SUGCT: variants seen among roughly 807,000 people sequenced by gnomAD.
SUGCT encodes the protein succinyl-CoA:glutarate CoA-transferase.
SUGCT carries 41 observed loss-of-function variants against 55.0 expected under a neutral mutation model. The observed-to-expected ratio is 0.74, with a 90% CI of 0.58 to 0.97. The LOEUF (loss-of-function observed/expected upper bound fraction) is 0.97, where lower values mean the gene tolerates loss of function less well. SUGCT is among the 50% of genes least tolerant of loss of function. The pLI, the probability that SUGCT is intolerant of heterozygous loss-of-function variation, is 0.00. For missense variants in SUGCT, 568 were observed against 547.8 expected (o/e 1.04, Z -0.37); for synonymous variants, 187 against 200.4 (o/e 0.93, Z 0.56).
At chr7:40,327,428 C>T (rs998091279) in intron 9 of SUGCT, among the ~76,000 whole-genome samples, 3 of 152,140 alleles carry the variant, frequency 2.0e-5, no homozygotes, top group African/African-American at 7.2e-5. Context: ...ATTTGGCTGT[C>T]TTTGATTTAA....
chr7:40,860,273 G>A (rs144280399), intron 13 of SUGCT, 43 bp from the exon 14 acceptor site: 2 of 1,612,662 alleles, frequency 1.2e-6, no homozygotes, highest in Non-Finnish European at 1.7e-6. Flanking sequence ...ATTTCGTAGG[G>A]TTAGTCATTA....
At chr7:40,498,640 C>G (rs931072381) in intron 12 of SUGCT, among the ~76,000 whole-genome samples, 2 of 152,166 alleles carry the variant, frequency 1.3e-5, no homozygotes, top group African/African-American at 4.8e-5. Context: ...TTATAAACTT[C>G]TAGACTTTAG....
intron 9 of SUGCT, among the ~76,000 whole-genome samples, chr7:40,334,093 T>TA (rs1796524792): frequency 6.6e-6 from 1 of 152,172 alleles, no homozygotes; most frequent in Non-Finnish European, 1.5e-5. Context: ...CATCCTTTTT[T>TA]ATGGATGCAT....
chr7:41,031,599 G>C, the SUGCT span, among the ~76,000 whole-genome samples: 1 of 152,122 alleles, frequency 6.6e-6, no homozygotes, highest in East Asian at 1.9e-4. Context: ...TCTGACCGTT[G>C]CCTACCTCCT....
chr7:40,324,404 C>G (rs1261684887), intron 9 of SUGCT, among the ~76,000 whole-genome samples: 1 of 151,572 alleles, frequency 6.6e-6, no homozygotes, highest in Non-Finnish European at 1.5e-5. Flanking sequence ...TACAGATATA[C>G]GTCACCATGC....
chr7:40,457,701 A>G (rs921541706), intron 10 of SUGCT, among the ~76,000 whole-genome samples: 8 of 152,336 alleles, frequency 5.3e-5, no homozygotes, highest in African/African-American at 1.7e-4. Context: ...TCTTTGAAAC[A>G]AAAAAGAGTT....
chr7:40,258,302 G>A (rs184999191), intron 7 of SUGCT, among the ~76,000 whole-genome samples: 131 of 152,212 alleles, frequency 8.6e-4, no homozygotes, highest in Admixed American at 2.3e-3. Context: ...TTGAATTTTC[G>A]TTCTGTCATT....
chr7:40,340,153 A>G (rs542702895), intron 9 of SUGCT, among the ~76,000 whole-genome samples: 25 of 152,310 alleles, frequency 1.6e-4, no homozygotes, highest in African/African-American at 6.0e-4. Context: ...AAATAGTAGT[A>G]AGTAGTATGA....
chr7:40,589,120 T>C (rs1041548586), intron 12 of SUGCT, among the ~76,000 whole-genome samples: 2 of 152,086 alleles, frequency 1.3e-5, no homozygotes, highest in Non-Finnish European at 2.9e-5. Flanking sequence ...TGTTTAGTAA[T>C]CTTGTAGTAT....
the SUGCT span, among the ~76,000 whole-genome samples, chr7:40,880,525 T>C: frequency 6.6e-6 from 1 of 152,212 alleles, no homozygotes; most frequent in South Asian, 2.1e-4. Context: ...AAAATGAAGA[T>C]TTTTGTTTGT....
intron 13 of SUGCT, among the ~76,000 whole-genome samples, chr7:40,854,436 CTT>C (rs1794048001): frequency 7.1e-6 from 1 of 140,698 alleles, no homozygotes; most frequent in African/African-American, 2.8e-5. Flanking sequence ...TTCTTTCTTT[CTT>C]TCTTTCTTTC....
chr7:40,409,106 C>G (rs904983706), intron 9 of SUGCT, among the ~76,000 whole-genome samples: 1 of 151,534 alleles, frequency 6.6e-6, no homozygotes, highest in Admixed American at 6.6e-5. Flanking sequence ...AGGCGCAAGC[C>G]ACTGCACCTG....
At chr7:40,790,406 C>T (rs1051861694) in intron 13 of SUGCT, among the ~76,000 whole-genome samples, 2 of 152,138 alleles carry the variant, frequency 1.3e-5, no homozygotes, top group African/African-American at 4.8e-5. Context: ...AACTTTTTTC[C>T]TTATTAAATT....
chr7:40,158,869 G>GT (rs1169162602), intron 1 of SUGCT, among the ~76,000 whole-genome samples: 1 of 152,172 alleles, frequency 6.6e-6, no homozygotes, highest in Non-Finnish European at 1.5e-5. Flanking sequence ...TGCAAAAAAT[G>GT]TGAAATATTT....
the SUGCT span, among the ~76,000 whole-genome samples, chr7:40,916,422 A>G: frequency 0.028 from 4,213 of 152,282 alleles, 81 homozygotes; most frequent in Non-Finnish European, 0.044. Flanking sequence ...GACTCTCACT[A>G]GTTACTACTA....
At chr7:40,466,143 A>G (rs1365921104) in intron 11 of SUGCT, among the ~76,000 whole-genome samples, 2 of 152,064 alleles carry the variant, frequency 1.3e-5, no homozygotes, top group African/African-American at 4.8e-5. Flanking sequence ...CTGGCCTCAG[A>G]TAATCCTCCT....
chr7:40,740,705 C>T (rs1448031463), intron 12 of SUGCT, among the ~76,000 whole-genome samples: 1 of 151,810 alleles, frequency 6.6e-6, no homozygotes, highest in Non-Finnish European at 1.5e-5. Flanking sequence ...CAATCCCTAA[C>T]TTGTGACCTT....
chr7:40,917,419 G>A, the SUGCT span, among the ~76,000 whole-genome samples: 1 of 152,268 alleles, frequency 6.6e-6, no homozygotes, highest in East Asian at 1.9e-4. Context: ...AGAACAAGAA[G>A]TTAATTTTTC....
chr7:40,336,209 C>CT (rs1796694072), intron 9 of SUGCT, among the ~76,000 whole-genome samples: 1 of 152,048 alleles, frequency 6.6e-6, no homozygotes, highest in Non-Finnish European at 1.5e-5. Context: ...CTAAGATTCT[C>CT]TTTTTTTGTT....
Sources: allele counts gnomAD v4.1 joint callset (sites outside exome capture counted in the v4.1 genomes callset), GRCh38; gene constraint gnomAD v4.1.1; transcripts MANE v1.5; gene names NCBI Gene and HGNC (gene_info 2026-07-23, HGNC 2026-07-21).